CFAP65: variants seen among roughly 807,000 people sequenced by gnomAD.
CFAP65 encodes cilia and flagella associated protein 65, also known as cilia- and flagella-associated protein 65.
CFAP65 carries 155 observed loss-of-function variants against 208.0 expected under a neutral mutation model. That is an observed-to-expected ratio of 0.75 (90% confidence interval 0.65 to 0.85). The LOEUF (loss-of-function observed/expected upper bound fraction) is 0.85. Ranked by LOEUF, CFAP65 falls within the 40% of genes least tolerant of loss-of-function variation. The probability of loss-of-function intolerance (pLI) is 0.00; values close to 1 mark genes in which losing one functional copy is unlikely to be tolerated. For synonymous variants in CFAP65, 970 were observed against 986.3 expected (o/e 0.98, Z 0.31); for missense variants, 2,294 against 2,451.3 (o/e 0.94, Z 1.36).
At chr2:219,016,882 C>T (rs1311645849) in intron 21 of CFAP65, among the ~76,000 whole-genome samples, 1 of 152,262 alleles carries the variant, frequency 6.6e-6, no homozygotes, top group Non-Finnish European at 1.5e-5. Flanking sequence ...CCCCTGCCCG[C>T]CTCCTCAGCC....
In CFAP65 at chr2:219,011,012, A is replaced by T. The variant is rs1347858207; in HGVS notation, c.3958-16T>A. ...GCTCATAAATCTGCAGGGGGCAGGA[A>T]TAGGAAAATTGCCACATCAGCTCAG... On this transcript the variant is annotated splice_polypyrimidine_tract_variant and intron_variant, in intron 24 of 34. Coordinates refer to ENST00000341552, the MANE Select transcript of CFAP65 (RefSeq NM_194302.4). 1.9e-6 allele frequency: 3 copies of T among 1,588,162 alleles called. No homozygotes were observed. The African/African-American group carries it at 4.0e-5, about 21-fold the overall frequency.
rs1945776717 is a variant in CFAP65, at chr2:219,004,212, C to T, written c.5295G>A (p.Glu1765=). ...CTTCTTCTTCCTCTTCACCCTTCTC[C>T]TCCTCCCCCTCTTCCTTCTTTCCCA... The part of the protein sequence containing the change: ...PGLGKKEEGE[E]EKGEEEEEEL... Residue 1765 remains glutamate, a synonymous_variant, in exon 33 of 35, where the codon GAG becomes GAA. Transcript: ENST00000341552. The surrounding 1 kb of genome is among the most constrained non-coding windows in gnomAD (Gnocchi z 4.7). The T allele has an allele frequency of 6.2e-7, 1 of 1,614,006 alleles. No homozygotes were observed. Among genetic ancestry groups the T allele is most frequent in the Non-Finnish European group, 8.5e-7 (1 of 1,180,018 alleles).
At chr2:219,013,766 C>A (rs556098165) in intron 22 of CFAP65, 102 bp downstream of exon 22, 204 of 1,247,044 alleles carry the variant, frequency 1.6e-4, no homozygotes, top group Non-Finnish European at 2.3e-4. Flanking sequence ...GTGGTCCTCC[C>A]AGGGAATGGC....
In CFAP65 at chr2:219,004,310, C is replaced by T. The variant is rs564723222; in HGVS notation, c.5197G>A (p.Val1733Ile). 4.3e-6 allele frequency: 7 copies of T among 1,614,122 alleles called. No homozygotes were observed. The highest frequency in any genetic ancestry group is 4.0e-5 in the African/African-American group (3 of 75,030). ...NSLYLMPILP[V>I]PSSSWEDGKG... The stretch of plus-strand genomic sequence containing the variant: ...CCATCCTCCCAGCTGCTGGAGGGTA[C>T]AGGCAGGATTGGCATTAAGTACAGG... The change falls in exon 33 of 35, where the codon GTA (valine) becomes ATA (isoleucine). Residue 1733 changes from valine to isoleucine, a missense_variant. By Grantham distance (29) the Val-to-Ile change is conservative. Coordinates refer to ENST00000341552, the MANE Select transcript of CFAP65 (RefSeq NM_194302.4). The surrounding 1 kb of genome is among the most constrained non-coding windows in gnomAD (Gnocchi z 4.7).
intron 19 of CFAP65, among the ~76,000 whole-genome samples, chr2:219,020,925 A>G (rs866597909): frequency 6.6e-6 from 1 of 152,216 alleles, no homozygotes; most frequent in African/African-American, 2.4e-5. Context: ...ACAATAAGTC[A>G]GCACAGCTCC....
At chr2:219,016,463 T>G (rs1284722363) in intron 21 of CFAP65, among the ~76,000 whole-genome samples, 2 of 151,934 alleles carry the variant, frequency 1.3e-5, no homozygotes, top group Non-Finnish European at 2.9e-5. Context: ...TCTGACTAAT[T>G]TTTGTATTTT....
chr2:219,009,619 A>ACTGGGATGGG (rs1335157517), intron 27 of CFAP65, among the ~76,000 whole-genome samples, 159 bp from the exon 28 acceptor site: 1 of 101,166 alleles, frequency 9.9e-6, no homozygotes. Context: ...GACAAGATGG[A>ACTGGGATGGG]ATGGGATGGG....
Position 219,021,852 on chromosome 2 carries a change from C to G in CFAP65, c.3058G>C (p.Gly1020Arg). The change falls in exon 18 of 35, where the codon GGC becomes CGC. Residue 1020 changes from glycine to arginine, a missense_variant. This residue lies in a region of CFAP65 where 1,427 missense variants were observed against 1,438.7 expected (regional missense o/e 0.99). Transcript: ENST00000341552. Reference sequence around the variant, plus strand: ...AGGCGGTAATAGAGGGTGCAGTTGCCGTCATTCAGGAGGACAAGGAACCTG... The same window carrying G: ...AGGCGGTAATAGAGGGTGCAGTTGCGGTCATTCAGGAGGACAAGGAACCTG... ...QSRFLVLLND[G>R]NCTLYYRLYL... 9 of 1,613,804 alleles carry G rather than the reference C, an allele frequency of 5.6e-6. No individual in the cohort carries two copies. The highest frequency in any genetic ancestry group is 1.1e-5 in the South Asian group (1 of 91,082).
At chr2:219,024,421 C>T (rs1298536094) in intron 14 of CFAP65, among the ~76,000 whole-genome samples, 161 bp from the exon 15 acceptor site, 1 of 140,962 alleles carries the variant, frequency 7.1e-6, no homozygotes, top group African/African-American at 2.7e-5. Flanking sequence ...TTGAAGGAGG[C>T]CACGAGCTGA....
Position 219,013,532 on chromosome 2 carries a change from C to A in CFAP65, c.3833G>T (p.Gly1278Val), listed in dbSNP as rs1304999117. 1 of 1,599,936 alleles carries A rather than the reference C, an allele frequency of 6.3e-7. No homozygotes were observed. Among genetic ancestry groups the A allele is most frequent in the South Asian group, 1.1e-5 (1 of 87,888 alleles). Reference sequence around the variant, plus strand: ...CTGGGGCCTCACCAGGATCTCCCGGCCATGGGACACCTTGAAGAGCACTGG... The same window carrying A: ...CTGGGGCCTCACCAGGATCTCCCGGACATGGGACACCTTGAAGAGCACTGG... ...HLPVLFKVSHGREILLNFIGV... is the reference protein window; with the variant it reads ...HLPVLFKVSHVREILLNFIGV... The change falls in exon 23 of 35, where the codon GGC becomes GTC. Residue 1278 changes from glycine to valine, a missense_variant. Transcript: ENST00000341552.
chr2:219,011,097 A>G (rs1407767047), intron 24 of CFAP65, 101 bp from the exon 25 acceptor site: 2 of 1,086,810 alleles, frequency 1.8e-6, no homozygotes, highest in East Asian at 2.5e-5. Flanking sequence ...GCTGATCTCC[A>G]TGATGTCACC....
chr2:219,018,953 A>T, intron 21 of CFAP65, 98 bp downstream of exon 21: 1 of 1,526,424 alleles, frequency 6.6e-7, no homozygotes. Flanking sequence ...GACAGCAAGC[A>T]GCCAGGCCAC....
At chr2:219,018,954 G>A in intron 21 of CFAP65, 97 bp downstream of exon 21, 1 of 1,531,724 alleles carries the variant, frequency 6.5e-7, no homozygotes, top group Non-Finnish European at 9.0e-7. Context: ...ACAGCAAGCA[G>A]CCAGGCCACC....
In CFAP65 at chr2:219,032,471, G is replaced by T; in HGVS notation, c.644C>A (p.Ala215Glu). The T allele has an allele frequency of 6.3e-7, 1 of 1,585,458 alleles. No homozygotes were observed. Among genetic ancestry groups the T allele is most frequent in the Non-Finnish European group, 8.6e-7 (1 of 1,165,626 alleles). The part of the protein sequence containing the change: ...TLPIVFRPLE[A>E]KEYMDQLWFE... ...CTCACTCGCTGTGGCAGACCTTACCGCCTCCAGAGGCCGGAAGACGATGGG... is the reference window on the plus strand; with the variant it reads ...CTCACTCGCTGTGGCAGACCTTACCTCCTCCAGAGGCCGGAAGACGATGGG... Residue 215 changes from alanine to glutamate, a missense_variant and splice_region_variant, in exon 6 of 35, where the codon GCG becomes GAG. Physicochemically the swap from Ala to Glu is moderately radical, Grantham distance 107. This residue lies in a region of CFAP65 where 867 missense variants were observed against 1,012.6 expected (regional missense o/e 0.86). Coordinates refer to ENST00000341552, the MANE Select transcript of CFAP65 (RefSeq NM_194302.4). This position sits in a 1 kb window ranked among gnomAD's most constrained non-coding sequence, Gnocchi z 5.5.
At position 219,006,151 on chromosome 2, in the gene CFAP65, C is replaced by A; in HGVS notation, c.4792G>T (p.Glu1598Ter). Residue 1598 changes from glutamate to a stop codon, truncating the protein, a stop_gained, in exon 31 of 35, where the codon GAG becomes TAG. Transcript: ENST00000341552. LOFTEE classifies it high-confidence loss of function. ...ASWKLQTPKE[E>*]VSWPCPQPPS... ...GGCTGGGGGCAGGGCCAGGACACCT[C>A]CTCCTTTGGGGTCTGCAGTTTCCAG... 1 of 1,613,698 alleles carries A rather than the reference C, an allele frequency of 6.2e-7. No individual in the cohort carries two copies. The highest frequency in any genetic ancestry group is 1.7e-5 in the Admixed American group (1 of 60,022).
chr2:219,023,977 A>G (rs1459401004), intron 15 of CFAP65, 38 bp downstream of exon 15: 1 of 1,596,976 alleles, frequency 6.3e-7, no homozygotes, highest in Non-Finnish European at 8.6e-7. Context: ...ATTATGGCCC[A>G]TTCCCAAGGA....
At chr2:219,009,809 A>C in intron 27 of CFAP65, 133 bp downstream of exon 27, 1 of 153,806 alleles carries the variant, frequency 6.5e-6, no homozygotes, top group Non-Finnish European at 8.6e-6. Flanking sequence ...GATGGGATGG[A>C]GTGGGGGGGG....
In CFAP65 at chr2:219,005,563, C is replaced by T. The variant is rs1226264039; in HGVS notation, c.4923-1G>A. The stretch of plus-strand genomic sequence containing the variant: ...GGGGGCCTTCCTCTTTGGCAGCTCC[C>T]TGTGGCAGCCATGACATTCTGAGTG... On this transcript the variant is annotated splice_acceptor_variant, in intron 31 of 34. Coordinates refer to ENST00000341552, the MANE Select transcript of CFAP65 (RefSeq NM_194302.4). LOFTEE classifies it high-confidence loss of function. 2 of 1,611,038 alleles carry T rather than the reference C, an allele frequency of 1.2e-6. No individual in the cohort carries two copies. Among genetic ancestry groups the T allele is most frequent in the South Asian group, 2.2e-5 (2 of 90,984 alleles).
intron 13 of CFAP65, 75 bp downstream of exon 13, chr2:219,027,575 T>C (rs1411020575): frequency 6.2e-7 from 1 of 1,612,950 alleles, no homozygotes; most frequent in African/African-American, 1.3e-5. Flanking sequence ...CCTCGGTCAC[T>C]TCCTGCCACC....
Sources: gnomAD v4.1 joint callset for allele counts (sites outside exome capture counted in the v4.1 genomes callset) on GRCh38, gnomAD v4.1.1 for gene constraint, gnomAD v4.1.1 regional missense constraint, Gnocchi (gnomAD v3.1) non-coding constraint, MANE v1.5 for transcripts, NCBI Gene and HGNC (gene_info 2026-07-23, HGNC 2026-07-21) for gene names.